Variants in OSBPL1A observed in about 807,000 individuals in gnomAD.
OSBPL1A encodes the protein oxysterol-binding protein-related protein 1.
OSBPL1A carries 80 observed loss-of-function variants against 137.1 expected under a neutral mutation model. The observed-to-expected ratio is 0.58, with a 90% CI of 0.49 to 0.70. OSBPL1A has a LOEUF of 0.70. Among genes scored for constraint, OSBPL1A ranks in the 30% least tolerant of loss-of-function variants. The pLI is 0.00. For synonymous variants in OSBPL1A, 365 were observed against 389.7 expected (o/e 0.94, Z 0.75); for missense variants, 970 against 1,129.4 (o/e 0.86, Z 2.02).
intron 15 of OSBPL1A, among the ~76,000 whole-genome samples, chr18:24,274,461 G>T (rs2089798678): frequency 6.6e-6 from 1 of 152,166 alleles, no homozygotes; most frequent in South Asian, 2.1e-4. Context: ...GAACTCAGGA[G>T]AAGTCTGAGG....
chr18:24,369,701 C>G (rs1905465403), intron 2 of OSBPL1A, among the ~76,000 whole-genome samples: 1 of 152,216 alleles, frequency 6.6e-6, no homozygotes, highest in Non-Finnish European at 1.5e-5. Context: ...GCCATTTACC[C>G]AAACTCCTAC....
intron 1 of OSBPL1A, among the ~76,000 whole-genome samples, chr18:24,388,347 T>C (rs1907077055): frequency 6.6e-6 from 1 of 152,134 alleles, no homozygotes; most frequent in Non-Finnish European, 1.5e-5. Flanking sequence ...ACCGGATGGA[T>C]GGATGGGCGG....
At chr18:24,248,955 A>G (rs1316828042) in intron 15 of OSBPL1A, among the ~76,000 whole-genome samples, 1 of 152,252 alleles carries the variant, frequency 6.6e-6, no homozygotes, top group East Asian at 1.9e-4. Flanking sequence ...TTTACAAAGC[A>G]GATAAGATGA....
chr18:24,334,230 TTTTG>T lies in OSBPL1A; in HGVS notation c.480+11_480+14del. ...GACTGCTTTTTGTCTTTTGGGGGTTTTTTGTTTGTTTTACCAGAGCTGTGAGTTC... is the reference window on the plus strand; with the variant it reads ...GACTGCTTTTTGTCTTTTGGGGGTTTTTTGTTTTACCAGAGCTGTGAGTTC... On this transcript the variant is annotated intron_variant, in intron 6 of 27. Coordinates refer to ENST00000319481, the MANE Select transcript of OSBPL1A (RefSeq NM_080597.4). The T allele has an allele frequency of 6.3e-7, 1 of 1,590,830 alleles. No individual in the cohort carries two copies. Among genetic ancestry groups the T allele is most frequent in the Non-Finnish European group, 8.5e-7 (1 of 1,173,516 alleles).
At chr18:24,218,538 G>A (rs2087780675) in intron 17 of OSBPL1A, 2 of 152,374 alleles carry the variant, frequency 1.3e-5, no homozygotes, top group African/African-American at 4.8e-5. Context: ...CTGCCTCCCA[G>A]GTTCAAGCGA....
chr18:24,235,047 C>T (rs2088418748), intron 16 of OSBPL1A, among the ~76,000 whole-genome samples: 1 of 151,990 alleles, frequency 6.6e-6, no homozygotes, highest in Non-Finnish European at 1.5e-5. Flanking sequence ...TGGATCATGT[C>T]GAGAGCCTTG....
chr18:24,381,228 AAAAGTACTCAGAGG>A (rs1906571505), intron 1 of OSBPL1A, among the ~76,000 whole-genome samples: 2 of 152,118 alleles, frequency 1.3e-5, no homozygotes, highest in African/African-American at 4.8e-5. Flanking sequence ...CAGTGGGTGG[AAAAGTACTCAGAGG>A]AAACATCAGG....
At chr18:24,216,579 T>C (rs1368369387) in intron 17 of OSBPL1A, among the ~76,000 whole-genome samples, 2 of 152,210 alleles carry the variant, frequency 1.3e-5, no homozygotes, top group Non-Finnish European at 2.9e-5. Flanking sequence ...TATTTCACAT[T>C]TACCAATAGA....
At chr18:24,223,403 T>G (rs2087957647) in intron 17 of OSBPL1A, among the ~76,000 whole-genome samples, 1 of 152,130 alleles carries the variant, frequency 6.6e-6, no homozygotes, top group Non-Finnish European at 1.5e-5. Context: ...GCTGACAATT[T>G]CCTAAGTTTT....
Position 24,258,435 on chromosome 18 carries a change from A to C in OSBPL1A, c.1282-19053T>G, listed in dbSNP as rs112060738. 5.9e-3 allele frequency among the ~76,000 whole-genome samples: 893 copies of C among 152,314 alleles called. 11 individuals carry two copies. Among genetic ancestry groups the C allele is most frequent in the African/African-American group, 0.02 (850 of 41,562 alleles). On this transcript the variant is annotated intron_variant, in intron 15 of 27. Transcript: ENST00000319481. ...ATTACAAATCAAAACAATTGAACAC[A>C]TGGAGATAGAGAGGAGAAGGCTAGT... is the stretch of plus-strand genomic sequence containing the variant.
chr18:24,303,729 A>AT lies in OSBPL1A; in HGVS notation c.1093-12_1093-11insA, dbSNP rs752654400. On this transcript the variant is annotated splice_polypyrimidine_tract_variant and intron_variant, in intron 13 of 27. Transcript: ENST00000319481. ...GCATGACTGTGCTTTCTGCAAAAAA[A>AT]GAAAAGACAAAATTAAAACAAAGTA... 1 of 1,605,238 alleles carries AT rather than the reference A, an allele frequency of 6.2e-7. No individual in the cohort carries two copies. The highest frequency in any genetic ancestry group is 1.3e-5 in the African/African-American group (1 of 74,634).
chr18:24,344,469 T>A (rs2091314860), intron 4 of OSBPL1A, among the ~76,000 whole-genome samples: 1 of 151,930 alleles, frequency 6.6e-6, no homozygotes, highest in South Asian at 2.1e-4. Context: ...TAAAATAAAA[T>A]AAAATAAGAA....
chr18:24,329,055 C>G (rs1599674245), intron 7 of OSBPL1A, among the ~76,000 whole-genome samples: 1 of 152,126 alleles, frequency 6.6e-6, no homozygotes, highest in East Asian at 1.9e-4. Flanking sequence ...AACCAATTTT[C>G]TTTCTCCTTT....
At chr18:24,328,216 G>GTTTTTTTTTTT (rs1292001089) in intron 7 of OSBPL1A, among the ~76,000 whole-genome samples, 2 of 47,586 alleles carry the variant, frequency 4.2e-5, no homozygotes, top group East Asian at 8.8e-4. Flanking sequence ...CTAATTTTTT[G>GTTTTTTTTTTT]TATTTTTTTT....
At chr18:24,380,468 C>G (rs1047489405) in intron 1 of OSBPL1A, among the ~76,000 whole-genome samples, 4 of 152,190 alleles carry the variant, frequency 2.6e-5, no homozygotes, top group Admixed American at 1.3e-4. Context: ...GAAGTGTTCT[C>G]CTTTCACCCA....
chr18:24,165,277 A>C, intron 26 of OSBPL1A, 122 bp from the exon 27 acceptor site: 1 of 891,804 alleles, frequency 1.1e-6, no homozygotes, highest in South Asian at 1.7e-5. Context: ...TTATTAGAAC[A>C]CAAATACCAG....
rs777452480 is a variant in OSBPL1A at position 24,377,507 on chromosome 18, A to G, written c.27T>C (p.Leu9=). Residue 9 remains leucine (L), a synonymous_variant, in exon 2 of 28, where the codon CTT becomes CTC. Transcript: ENST00000319481. ...CATTGCCATTTCTGGCGTGATGGAGAAGCTGTTGCTCCGCTTCTGTGTTCA... is the reference window on the plus strand; with the variant it reads ...CATTGCCATTTCTGGCGTGATGGAGGAGCTGTTGCTCCGCTTCTGTGTTCA... MNTEAEQQ[L]LHHARNGNAE... 1 of 1,610,422 alleles carries G rather than the reference A, an allele frequency of 6.2e-7. No homozygotes were observed. The highest frequency in any genetic ancestry group is 2.2e-5 in the East Asian group (1 of 44,828).
At chr18:24,172,512 T>A (rs201018647) in intron 21 of OSBPL1A, 29 bp from the exon 22 acceptor site, 1 of 1,486,676 alleles carries the variant, frequency 6.7e-7, no homozygotes, top group Non-Finnish European at 9.4e-7. Flanking sequence ...CCCAGAAGCA[T>A]AAGTGAGAGG....
At chr18:24,361,075 G>A (rs1159897067) in intron 4 of OSBPL1A, among the ~76,000 whole-genome samples, 1 of 152,172 alleles carries the variant, frequency 6.6e-6, no homozygotes, top group Non-Finnish European at 1.5e-5. Flanking sequence ...AGCTGCCCAG[G>A]CTGGAGTGTG....
Sources: allele counts gnomAD v4.1 joint callset (sites outside exome capture counted in the v4.1 genomes callset), GRCh38; gene constraint gnomAD v4.1.1; transcripts MANE v1.5; gene names NCBI Gene and HGNC (gene_info 2026-07-23, HGNC 2026-07-21).